CEP112: variants seen among roughly 807,000 people sequenced by gnomAD.
The protein encoded by CEP112 is centrosomal protein 112.
Under a neutral mutation model 153.0 loss-of-function variants are expected in CEP112, and 127 were observed. The observed-to-expected ratio is 0.83, with a 90% CI of 0.72 to 0.96. CEP112 has a LOEUF of 0.96. CEP112 is among the 40% of genes least tolerant of loss of function. The pLI, the probability that CEP112 is intolerant of heterozygous loss-of-function variation, is 0.00. For synonymous variants in CEP112, 358 were observed against 374.4 expected, an observed-to-expected ratio of 0.96 and a Z score of 0.51; for missense variants, 1,089 against 1,101.2, an observed-to-expected ratio of 0.99 and a Z score of 0.16.
intron 17 of CEP112, among the ~76,000 whole-genome samples, chr17:65,971,232 C>A (rs907097662): frequency 6.6e-6 from 1 of 152,070 alleles, no homozygotes; most frequent in South Asian, 2.1e-4. Flanking sequence ...ATATTACATA[C>A]GTGCAAAACA....
intron 24 of CEP112, among the ~76,000 whole-genome samples, chr17:65,648,346 A>G (rs895812226): frequency 6.6e-6 from 1 of 152,192 alleles, no homozygotes; most frequent in African/African-American, 2.4e-5. Flanking sequence ...ATAACTAGTA[A>G]TGACTCCTGT....
intron 23 of CEP112, among the ~76,000 whole-genome samples, chr17:65,698,860 C>T (rs1356351144): frequency 6.6e-6 from 1 of 152,172 alleles, no homozygotes; most frequent in African/African-American, 2.4e-5. Context: ...ACTGTTAAAT[C>T]CTCACAGACC....
chr17:65,747,802 C>A (rs2051567570), intron 22 of CEP112, among the ~76,000 whole-genome samples: 1 of 152,160 alleles, frequency 6.6e-6, no homozygotes, highest in African/African-American at 2.4e-5. Flanking sequence ...TGTACACGGT[C>A]TATTAGGTCC....
intron 17 of CEP112, among the ~76,000 whole-genome samples, chr17:65,970,768 A>T (rs976963873): frequency 2.1e-5 from 1 of 47,504 alleles, no homozygotes; most frequent in Non-Finnish European, 4.5e-5. Flanking sequence ...GGTATGTTAC[A>T]TGTTACATGC....
Position 66,136,474 on chromosome 17 carries a change from C to A in CEP112, c.471-3711G>T, listed in dbSNP as rs75622904. Among the ~76,000 whole-genome samples the A allele has an allele frequency of 2.1e-3, 323 of 151,972 alleles. 8 individuals carry two copies. The East Asian group carries it at 0.057, about 27-fold the overall frequency. On this transcript the variant is annotated intron_variant, in intron 4 of 26. Transcript: ENST00000535342. ...TAAACACTCACGGCCAGAGCTCCTA[C>A]CCCTGGCTCAGCACAATTAGAAAAA...
intron 24 of CEP112, among the ~76,000 whole-genome samples, chr17:65,674,448 G>A (rs1329152596): frequency 6.6e-6 from 1 of 152,214 alleles, no homozygotes; most frequent in African/African-American, 2.4e-5. Flanking sequence ...AGTGGTTGGT[G>A]AGAGGCTGAG....
chr17:65,853,693 A>G (rs2058039786), intron 20 of CEP112, among the ~76,000 whole-genome samples: 1 of 149,278 alleles, frequency 6.7e-6, no homozygotes, highest in East Asian at 2.0e-4. Context: ...GCGCCACTGC[A>G]CTCCCGCCTG....
At chr17:66,170,926 G>A (rs1381296881) in intron 4 of CEP112, among the ~76,000 whole-genome samples, 3 of 152,140 alleles carry the variant, frequency 2.0e-5, no homozygotes, top group Admixed American at 1.3e-4. Context: ...AAGCAAAGAA[G>A]AGAACCAGGA....
intron 21 of CEP112, among the ~76,000 whole-genome samples, chr17:65,806,323 T>C (rs1330623361): frequency 6.6e-6 from 1 of 152,114 alleles, no homozygotes; most frequent in Non-Finnish European, 1.5e-5. Context: ...TGATGGGGGA[T>C]ATTCTAACAT....
intron 20 of CEP112, among the ~76,000 whole-genome samples, chr17:65,854,942 G>A (rs1317899288): frequency 6.6e-6 from 1 of 152,102 alleles, no homozygotes; most frequent in Non-Finnish European, 1.5e-5. Flanking sequence ...ATGTGTTTGG[G>A]AGGCAGAACA....
intron 17 of CEP112, among the ~76,000 whole-genome samples, chr17:65,967,091 G>A (rs781199786): frequency 7.2e-5 from 11 of 152,122 alleles, no homozygotes; most frequent in Admixed American, 1.3e-4. Context: ...AAACAGGTAC[G>A]ATAATAGCAT....
At chr17:65,903,883 T>C (rs1455610927) in intron 19 of CEP112, among the ~76,000 whole-genome samples, 1 of 152,182 alleles carries the variant, frequency 6.6e-6, no homozygotes, top group African/African-American at 2.4e-5. Context: ...ACTCAATAGA[T>C]GCAGAAAAGG....
intron 17 of CEP112, among the ~76,000 whole-genome samples, chr17:65,998,382 CAAAAAAAAAAAAA>C (rs34117654): frequency 1.4e-5 from 1 of 70,028 alleles, no homozygotes; most frequent in South Asian, 6.6e-4. Context: ...GGCCTCGTCT[CAAAAAAAAAAAAA>C]AAAAAAAAAA....
intron 18 of CEP112, among the ~76,000 whole-genome samples, chr17:65,936,941 G>C (rs954920637): frequency 6.6e-6 from 1 of 151,030 alleles, no homozygotes; most frequent in Non-Finnish European, 1.5e-5. Context: ...TCAGCCTGCC[G>C]AGTGCCTGCG....
Position 66,066,864 on chromosome 17 carries a change from T to C in CEP112, c.869A>G (p.Lys290Arg). 6.5e-7 allele frequency: 1 copy of C among 1,536,672 alleles called. No homozygotes were observed. The highest frequency in any genetic ancestry group is 2.3e-5 in the East Asian group (1 of 42,944). ...TTTCAGTTCTTCTATTTCATTATTC[T>C]TTCTTTCTAAAATCTGCAAATAAAT... ...DADVQKILER[K>R]NNEIEELKTL... is the part of the protein sequence containing the mutation. Residue 290 changes from lysine to arginine, a missense_variant, in exon 10 of 27, where the codon AAG (lysine) becomes AGG (arginine). By Grantham distance (26) the Lys-to-Arg change is conservative. Coordinates refer to ENST00000535342, the MANE Select transcript of CEP112 (RefSeq NM_001199165.4).
intron 19 of CEP112, among the ~76,000 whole-genome samples, chr17:65,921,845 C>T (rs1284408387): frequency 1.3e-5 from 2 of 151,968 alleles, no homozygotes; most frequent in African/African-American, 4.8e-5. Flanking sequence ...ATCTATCATT[C>T]TGAGAAAAGC....
intron 16 of CEP112, among the ~76,000 whole-genome samples, chr17:66,007,893 A>AT (rs1051619519): frequency 6.6e-6 from 1 of 151,872 alleles, no homozygotes; most frequent in Non-Finnish European, 1.5e-5. Flanking sequence ...CAAATCATAC[A>AT]TTTTTTTCTT....
At chr17:66,128,342 A>C (rs916581158) in intron 6 of CEP112, among the ~76,000 whole-genome samples, 103 of 150,332 alleles carry the variant, frequency 6.9e-4, no homozygotes, top group Admixed American at 5.9e-4. Flanking sequence ...AAAAAGTATA[A>C]GAAAAAAAAA....
At chr17:65,942,345 AG>A (rs1052954307) in intron 18 of CEP112, among the ~76,000 whole-genome samples, 2 of 152,196 alleles carry the variant, frequency 1.3e-5, no homozygotes, top group African/African-American at 4.8e-5. Flanking sequence ...CCAGAAAACT[AG>A]TACCTAGTAC....
Sources: allele counts gnomAD v4.1 joint callset (sites outside exome capture counted in the v4.1 genomes callset), GRCh38; gene constraint gnomAD v4.1.1; transcripts MANE v1.5; gene names NCBI Gene and HGNC (gene_info 2026-07-23, HGNC 2026-07-21).